SDK1: variants seen among roughly 807,000 people sequenced by gnomAD.
SDK1 encodes sidekick cell adhesion molecule 1.
SDK1 carries 157 observed loss-of-function variants against 245.5 expected under a neutral mutation model. That is an observed-to-expected ratio of 0.64 (90% confidence interval 0.56 to 0.73). SDK1 has a LOEUF of 0.73. SDK1 is among the 30% of genes least tolerant of loss of function. The pLI is 0.00. For missense variants in SDK1, 3,583 were observed against 3,002.3 expected (o/e 1.19, Z -4.52); for synonymous variants, 1,647 against 1,278.5 (o/e 1.29, Z -6.15).
intron 43 of SDK1, among the ~76,000 whole-genome samples, chr7:4,244,915 C>G (rs753850297): frequency 1.3e-5 from 2 of 152,218 alleles, no homozygotes; most frequent in African/African-American, 4.8e-5. Flanking sequence ...AGGGGCTGTT[C>G]ACAACATACT....
chr7:3,895,585 G>A (rs988943821), intron 5 of SDK1, among the ~76,000 whole-genome samples: 2 of 152,158 alleles, frequency 1.3e-5, no homozygotes, highest in Non-Finnish European at 2.9e-5. Flanking sequence ...AGCAACTCAC[G>A]GAAGGACCCA....
rs576878845 is a variant in SDK1 at position 3,749,693 on chromosome 7, C to T, written c.714-71757C>T. On this transcript the variant is annotated intron_variant, in intron 4 of 44. Coordinates refer to ENST00000404826, the MANE Select transcript of SDK1 (RefSeq NM_152744.4). ...GCCCTTCAGCCTCTTGCCCCTGTGCCAGCTAGCTCATAGTTAAACCTTGGT... is the reference window on the plus strand; with the variant it reads ...GCCCTTCAGCCTCTTGCCCCTGTGCTAGCTAGCTCATAGTTAAACCTTGGT... 2.6e-5 allele frequency among the ~76,000 whole-genome samples: 4 copies of T among 152,300 alleles called. No individual in the cohort carries two copies. In the East Asian group the frequency reaches 5.8e-4, roughly 22 times the overall value.
At chr7:3,489,898 T>A (rs1393773493) in intron 1 of SDK1, among the ~76,000 whole-genome samples, 1 of 152,144 alleles carries the variant, frequency 6.6e-6, no homozygotes, top group Non-Finnish European at 1.5e-5. Flanking sequence ...CACTAATGAG[T>A]CCTGTCATGG....
chr7:3,980,645 T>C (rs865946228), intron 13 of SDK1, among the ~76,000 whole-genome samples: 2 of 152,180 alleles, frequency 1.3e-5, no homozygotes, highest in East Asian at 1.9e-4. Context: ...CCAAAACTTA[T>C]CATTTAAAGA....
At chr7:3,874,669 T>C (rs10258005) in intron 5 of SDK1, among the ~76,000 whole-genome samples, 4,283 of 152,196 alleles carry the variant, frequency 0.028, 180 homozygotes, top group African/African-American at 0.092. Flanking sequence ...TTGTTTTGTT[T>C]TTTGCTCTTT....
chr7:3,419,243 C>T (rs1184778648), intron 1 of SDK1, among the ~76,000 whole-genome samples: 3 of 152,160 alleles, frequency 2.0e-5, no homozygotes, highest in African/African-American at 4.8e-5. Flanking sequence ...GGACTTTGCC[C>T]GAAGTGGCAG....
chr7:4,074,270 G>C (rs1239550068), intron 20 of SDK1, among the ~76,000 whole-genome samples: 1 of 152,206 alleles, frequency 6.6e-6, no homozygotes, highest in Non-Finnish European at 1.5e-5. Context: ...ATTTGCGATT[G>C]AAGCAGGGGC....
At chr7:3,667,620 G>T (rs1478207529) in intron 4 of SDK1, among the ~76,000 whole-genome samples, 1 of 152,174 alleles carries the variant, frequency 6.6e-6, no homozygotes, top group Non-Finnish European at 1.5e-5. Context: ...TCCACCAGGA[G>T]ACCCTGGCAG....
chr7:3,891,928 T>G (rs1781469816), intron 5 of SDK1, among the ~76,000 whole-genome samples: 1 of 152,220 alleles, frequency 6.6e-6, no homozygotes, highest in Non-Finnish European at 1.5e-5. Flanking sequence ...TTTTTTTTCC[T>G]TATAGCACGG....
chr7:3,895,298 T>G (rs1212919224), intron 5 of SDK1, among the ~76,000 whole-genome samples: 1 of 152,244 alleles, frequency 6.6e-6, no homozygotes, highest in African/African-American at 2.4e-5. Context: ...AGCTTATTGG[T>G]GCTTTCATCT....
rs759473450 is a variant in SDK1 at position 4,026,858 on chromosome 7, C to T, written c.2602+9506C>T. ...ATATGTACACCCACCCAGCGGTGTG[C>T]GGCCGGTGACTCTACCAGGTAACGA... On this transcript the variant is annotated intron_variant, in intron 17 of 44. Coordinates refer to ENST00000404826, the MANE Select transcript of SDK1 (RefSeq NM_152744.4). This position sits in a 1 kb window ranked among gnomAD's most constrained non-coding sequence, Gnocchi z 4.1. Among the ~76,000 whole-genome samples the T allele has an allele frequency of 9.2e-5, 14 of 152,176 alleles. No individual in the cohort carries two copies. Among genetic ancestry groups the T allele is most frequent in the African/African-American group, 3.4e-4 (14 of 41,454 alleles).
At chr7:4,030,321 G>A (rs1454772703) in intron 17 of SDK1, among the ~76,000 whole-genome samples, 6 of 152,250 alleles carry the variant, frequency 3.9e-5, no homozygotes, top group East Asian at 1.9e-4. Context: ...AACAGCTTAC[G>A]CAGAAGACAG....
At chr7:4,164,724 C>T (rs747072632) in intron 32 of SDK1, among the ~76,000 whole-genome samples, 15 of 152,318 alleles carry the variant, frequency 9.8e-5, no homozygotes, top group African/African-American at 2.4e-4. Flanking sequence ...CCCCAGTGGA[C>T]GGTGCAGGGC....
chr7:3,599,649 T>G lies in SDK1; in HGVS notation c.299-19431T>G, dbSNP rs148976399. 2.7e-3 allele frequency among the ~76,000 whole-genome samples: 407 copies of G among 152,336 alleles called. 2 individuals carry two copies. The highest frequency in any genetic ancestry group is 9.3e-3 in the African/African-American group (387 of 41,582). Reference sequence around the variant, plus strand: ...TAATTTGTATAGAAGGTGTGAAGATTAGGTAAATGTTTGATTTTTTGCCTT... The same window carrying G: ...TAATTTGTATAGAAGGTGTGAAGATGAGGTAAATGTTTGATTTTTTGCCTT... On this transcript the variant is annotated intron_variant, in intron 1 of 44. Coordinates refer to ENST00000404826, the MANE Select transcript of SDK1 (RefSeq NM_152744.4).
At chr7:3,420,997 G>A (rs949451657) in intron 1 of SDK1, among the ~76,000 whole-genome samples, 4 of 149,904 alleles carry the variant, frequency 2.7e-5, no homozygotes, top group African/African-American at 9.8e-5. Flanking sequence ...TACTTGGATT[G>A]TTTTATTGTT....
At chr7:3,494,066 C>G (rs1429285009) in intron 1 of SDK1, among the ~76,000 whole-genome samples, 1 of 151,960 alleles carries the variant, frequency 6.6e-6, no homozygotes, top group African/African-American at 2.4e-5. Flanking sequence ...TTAAGGTAAA[C>G]TCTGATCTCA....
chr7:4,049,452 C>T lies in SDK1; in HGVS notation c.2707C>T (p.Gln903Ter). 6.2e-7 allele frequency: 1 copy of T among 1,613,256 alleles called. No homozygotes were observed. The highest frequency in any genetic ancestry group is 8.5e-7 in the Non-Finnish European group (1 of 1,179,216). The change falls in exon 18 of 45, where the codon CAG becomes TAG. Residue 903 changes from glutamine to a stop codon, truncating the protein, a stop_gained. Coordinates refer to ENST00000404826, the MANE Select transcript of SDK1 (RefSeq NM_152744.4). LOFTEE classifies it high-confidence loss of function. ...TCAGCAGTTTATCAATGGCATCAAC[C>T]AGGGATACAAGGTACGTGGCCTGGG... Reference protein sequence around the residue: ...PPQQFINGINQGYKLLAWPAD... With the variant: ...PPQQFINGIN
intron 30 of SDK1, among the ~76,000 whole-genome samples, chr7:4,157,387 ATGAGG>A: frequency 1.9e-5 from 2 of 104,810 alleles, no homozygotes; most frequent in African/African-American, 1.0e-4. Flanking sequence ...GAGAGAAGGA[ATGAGG>A]GGAGGGAGGG....
chr7:4,126,156 C>G (rs73048315), intron 25 of SDK1, among the ~76,000 whole-genome samples: 5,622 of 152,252 alleles, frequency 0.037, 156 homozygotes, highest in Non-Finnish European at 0.053. Context: ...CAGCTGAGAG[C>G]AGCTCCTCCA....
Sources: allele counts gnomAD v4.1 joint callset (sites outside exome capture counted in the v4.1 genomes callset), GRCh38; gene constraint gnomAD v4.1.1; non-coding constraint Gnocchi (gnomAD v3.1); transcripts MANE v1.5; gene names NCBI Gene and HGNC (gene_info 2026-07-23, HGNC 2026-07-21).